MRO: variants seen among roughly 807,000 people sequenced by gnomAD.
MRO encodes maestro, also known as protein maestro.
A neutral mutation model predicts 31.0 loss-of-function variants in MRO; 28 were observed. The observed-to-expected ratio is 0.90, with a 90% CI of 0.67 to 1.24. The LOEUF (loss-of-function observed/expected upper bound fraction) is 1.24. Ranked by LOEUF, MRO falls within the 50% of genes most tolerant of loss-of-function variation. The pLI is 0.00. For missense variants in MRO, 332 were observed against 289.2 expected (o/e 1.15, Z -1.07); for synonymous variants, 108 against 108.4 (o/e 1.00, Z 0.02).
In MRO at chr18:50,799,071, G is replaced by A; in HGVS notation, c.*266C>T. On this transcript the variant is annotated 3_prime_UTR_variant, in exon 8 of 8. Transcript: ENST00000398439. ...ATAAGCACTGAATCTATATACACTT[G>A]GAATGTTTTAAAGAAAGTGTGTACC... 2.6e-6 allele frequency: 1 copy of A among 387,126 alleles called. No individual in the cohort carries two copies. The highest frequency in any genetic ancestry group is 4.7e-6 in the Non-Finnish European group (1 of 212,012). The allele number at this position is 387,126 out of a possible 1,614,324, so 24.0% of individuals were successfully genotyped here.
intron 2 of MRO, among the ~76,000 whole-genome samples, chr18:50,818,822 G>T (rs1026382535): frequency 9.9e-5 from 15 of 152,122 alleles, no homozygotes; most frequent in African/African-American, 3.6e-4. Context: ...GGAGGCTGAG[G>T]CAGGCAGATT....
intron 1 of MRO, 64 bp downstream of exon 1, chr18:50,819,833 A>G: frequency 2.0e-6 from 3 of 1,537,996 alleles, no homozygotes; most frequent in Non-Finnish European, 2.6e-6. Context: ...TGGGCAGGGG[A>G]GGGAATTGTT....
chr18:50,802,960 A>C (rs1211552114), intron 5 of MRO, among the ~76,000 whole-genome samples: 1 of 144,654 alleles, frequency 6.9e-6, no homozygotes, highest in Non-Finnish European at 1.5e-5. Context: ...ATTTTAATGG[A>C]GAATGTACCC....
intron 2 of MRO, among the ~76,000 whole-genome samples, chr18:50,812,943 GT>G (rs773789218): frequency 3.9e-5 from 6 of 152,184 alleles, no homozygotes; most frequent in Non-Finnish European, 5.9e-5. Context: ...ACAGTGACCA[GT>G]GACAAACTGC....
Position 50,819,608 on chromosome 18 carries a change from T to C in MRO, c.-32A>G. On this transcript the variant is annotated 5_prime_UTR_variant, in exon 2 of 8. Coordinates refer to ENST00000398439, the MANE Select transcript of MRO (RefSeq NM_031939.6). ...GCGGCTCCTGCAGGCGGCTGCCACGTGATGAACCGGAGCCCGTTCCTGACT... is the reference window on the plus strand; with the variant it reads ...GCGGCTCCTGCAGGCGGCTGCCACGCGATGAACCGGAGCCCGTTCCTGACT... The C allele has an allele frequency of 6.4e-7, 1 of 1,551,616 alleles. No homozygotes were observed. The highest frequency in any genetic ancestry group is 1.2e-5 in the South Asian group (1 of 84,044).
Position 50,801,377 on chromosome 18 carries a change from A to G in MRO, c.557T>C (p.Leu186Ser). Reference protein sequence around the residue: ...KQTRDSLLIHLQDRNPQVAKA... With the variant: ...KQTRDSLLIHSQDRNPQVAKA... ...GGCAACCTGGGGATTTCTGTCCTGT[A>G]AATGGATCAGGAGGGAATCTCGTGT... is the stretch of plus-strand genomic sequence containing the variant. Residue 186 changes from leucine to serine, a missense_variant, in exon 6 of 8, where the codon TTA becomes TCA. By Grantham distance (145) the Leu-to-Ser change is moderately radical. Transcript: ENST00000398439. 1 of 1,603,916 alleles carries G rather than the reference A, an allele frequency of 6.2e-7. No individual in the cohort carries two copies. Among genetic ancestry groups the G allele is most frequent in the East Asian group, 2.2e-5 (1 of 44,696 alleles).
In MRO at chr18:50,795,296, T is replaced by C. The variant is rs1337727734; in HGVS notation, c.*4041A>G. The C allele has an allele frequency of 1.3e-5, 2 of 152,196 alleles. No homozygotes were observed. Among genetic ancestry groups the C allele is most frequent in the Non-Finnish European group, 2.9e-5 (2 of 68,028 alleles). 9.4% of individuals were successfully genotyped at this position (152,196 alleles called of 1,614,324 possible). On this transcript the variant is annotated 3_prime_UTR_variant, in exon 8 of 8. Transcript: ENST00000398439. ...AAAGCATATATATCACTTACACTCA[T>C]GGACTTTTTTTTCATTTTAAAAGGG...
Position 50,796,197 on chromosome 18 carries a change from T to C in MRO, c.*3140A>G, listed in dbSNP as rs1912776594. On this transcript the variant is annotated 3_prime_UTR_variant, in exon 8 of 8. Coordinates refer to ENST00000398439, the MANE Select transcript of MRO (RefSeq NM_031939.6). ...AATGCACAAGCATAAAAGTAACCTG[T>C]ACATTGGTTATAAGGAATGAAATTG... 1 of 152,156 alleles carries C rather than the reference T, an allele frequency of 6.6e-6. No homozygotes were observed. Among genetic ancestry groups the C allele is most frequent in the Non-Finnish European group, 1.5e-5 (1 of 68,034 alleles). 9.4% of individuals were successfully genotyped at this position (152,156 alleles called of 1,614,324 possible). A position where few individuals can be genotyped will look rare whatever the true frequency, so the allele number is the denominator to read the frequency against.
At chr18:50,821,630 C>A (rs1375988919), upstream of MRO, among the ~76,000 whole-genome samples, 1 of 152,078 alleles carries the variant, frequency 6.6e-6, no homozygotes, top group Non-Finnish European at 1.5e-5. Context: ...AATTTACATC[C>A]CCTCCTCCCC....
intron 5 of MRO, among the ~76,000 whole-genome samples, chr18:50,804,617 C>A (rs1414801348): frequency 6.6e-6 from 1 of 151,600 alleles, no homozygotes; most frequent in African/African-American, 2.4e-5. Flanking sequence ...CAGAGTGAGA[C>A]CCTGTCTCAA....
intron 7 of MRO, 59 bp downstream of exon 7, chr18:50,799,977 G>A: frequency 2.4e-6 from 3 of 1,232,256 alleles, no homozygotes; most frequent in Non-Finnish European, 3.6e-6. Context: ...CACCTTCCGT[G>A]TTAACCACCA....
intron 2 of MRO, 87 bp downstream of exon 2, chr18:50,819,494 T>C: frequency 6.6e-7 from 1 of 1,514,694 alleles, no homozygotes; most frequent in Non-Finnish European, 8.8e-7. Context: ...GTGACCAGAG[T>C]GACATTCCAG....
chr18:50,809,026 T>C (rs1914201018), intron 3 of MRO, among the ~76,000 whole-genome samples: 1 of 150,502 alleles, frequency 6.6e-6, no homozygotes, highest in Non-Finnish European at 1.5e-5. Flanking sequence ...TAGTCCCAGC[T>C]ACTCGGGAGG....
intron 2 of MRO, among the ~76,000 whole-genome samples, chr18:50,812,832 C>T (rs902426050): frequency 3.3e-5 from 5 of 152,162 alleles, no homozygotes; most frequent in Admixed American, 6.5e-5. Context: ...TGAGGAACTT[C>T]TAAACCTCCA....
chr18:50,810,116 C>T (rs1914340360), intron 2 of MRO, among the ~76,000 whole-genome samples: 2 of 152,178 alleles, frequency 1.3e-5, no homozygotes, highest in African/African-American at 2.4e-5. Flanking sequence ...AGGTGCATGC[C>T]ACCACGCCCA....
chr18:50,819,155 ACTGGCAGAGCAGATTTTAGGACT>A (rs1915169115), intron 2 of MRO, among the ~76,000 whole-genome samples: 2 of 152,212 alleles, frequency 1.3e-5, no homozygotes, highest in Non-Finnish European at 2.9e-5. Context: ...AAAGTCAAAT[ACTGGCAGAGCAGATTTTAGGACT>A]CTGAAAGATA....
rs944308282 is a variant in MRO, at chr18:50,819,689, C to T, written c.-113G>A. ...AATGTGATGACTCGGCTAAATTTTC[C>T]CAGCCCTGAATTCCTAACATACAAG... is the stretch of plus-strand genomic sequence containing the variant. On this transcript the variant is annotated 5_prime_UTR_variant, in exon 2 of 8. An upstream open reading frame in the 5' UTR gains an earlier in-frame stop. Transcript: ENST00000398439. 18 of 1,550,700 alleles carry T rather than the reference C, an allele frequency of 1.2e-5. No individual in the cohort carries two copies. In the Admixed American group the frequency reaches 1.6e-4, roughly 14 times the overall value.
chr18:50,799,506 C>G, intron 7 of MRO, 116 bp from the exon 8 acceptor site: 1 of 863,230 alleles, frequency 1.2e-6, no homozygotes, highest in Non-Finnish European at 2.0e-6. Flanking sequence ...GAGGTGGAGG[C>G]ATCATCTGTA....
intron 4 of MRO, among the ~76,000 whole-genome samples, chr18:50,806,330 A>G (rs1913921386): frequency 6.6e-6 from 1 of 152,136 alleles, no homozygotes; most frequent in Admixed American, 6.6e-5. Context: ...GCCTGTAGGC[A>G]TCGAAAGTGG....
Sources: allele counts gnomAD v4.1 joint callset (sites outside exome capture counted in the v4.1 genomes callset), GRCh38; gene constraint gnomAD v4.1.1; transcripts MANE v1.5; gene names NCBI Gene and HGNC (gene_info 2026-07-23, HGNC 2026-07-21).